MYO3B: variants seen among roughly 807,000 people sequenced by gnomAD.
MYO3B encodes myosin-IIIb.
MYO3B carries 156 observed loss-of-function variants against 174.6 expected under a neutral mutation model. That is an observed-to-expected ratio of 0.89 (90% CI 0.78 to 1.02). The LOEUF (loss-of-function observed/expected upper bound fraction) is 1.02, where lower values mean the gene tolerates loss of function less well. Ranked by LOEUF, MYO3B falls within the 50% of genes least tolerant of loss-of-function variation. MYO3B has a pLI of 0.00. For missense variants in MYO3B, 1,632 were observed against 1,639.4 expected (o/e 1.00, Z 0.08); for synonymous variants, 563 against 569.1 (o/e 0.99, Z 0.15).
intron 32 of MYO3B, among the ~76,000 whole-genome samples, chr2:170,593,544 G>A (rs1693950426): frequency 6.6e-6 from 1 of 152,224 alleles, no homozygotes; most frequent in African/African-American, 2.4e-5. Flanking sequence ...ACATCACCAA[G>A]CTGATAAGCA....
chr2:170,457,193 G>C (rs1683957734), intron 23 of MYO3B, among the ~76,000 whole-genome samples: 1 of 152,178 alleles, frequency 6.6e-6, no homozygotes. Flanking sequence ...TGAGACATTA[G>C]TGTACACTCC....
intron 8 of MYO3B, among the ~76,000 whole-genome samples, chr2:170,352,132 T>C (rs1300549602): frequency 3.3e-5 from 5 of 152,306 alleles, no homozygotes; most frequent in East Asian, 3.9e-4. Context: ...TTTGTATTTT[T>C]AGTAGAGACG....
Position 170,466,621 on chromosome 2 carries a change from C to T in MYO3B, c.2924C>T (p.Ala975Val), listed in dbSNP as rs749984484. ...ALQFSRERVL[A>V]QLRSTGILET... ...CAGTTCTCTCGAGAGAGGGTGCTGG[C>T]CCAGCTCCGCTCCACAGGGATTCTG... is the stretch of plus-strand genomic sequence containing the variant. Residue 975 changes from alanine (A) to valine (V), a missense_variant, in exon 25 of 35, where the codon GCC becomes GTC. Coordinates refer to ENST00000408978, the MANE Select transcript of MYO3B (RefSeq NM_138995.5). 6.2e-7 allele frequency: 1 copy of T among 1,614,230 alleles called. No individual in the cohort carries two copies. The highest frequency in any genetic ancestry group is 1.1e-5 in the South Asian group (1 of 91,086).
At chr2:170,233,542 G>A (rs2093035999) in intron 6 of MYO3B, among the ~76,000 whole-genome samples, 2 of 152,200 alleles carry the variant, frequency 1.3e-5, no homozygotes, top group African/African-American at 4.8e-5. Flanking sequence ...GTCTTTGGGG[G>A]CAATGAAATG....
intron 8 of MYO3B, among the ~76,000 whole-genome samples, chr2:170,358,348 A>G (rs1043079491): frequency 6.6e-6 from 1 of 152,194 alleles, no homozygotes; most frequent in African/African-American, 2.4e-5. Context: ...AAAAGACCAT[A>G]CATATTATAT....
At chr2:170,512,153 G>A (rs1688029090) in intron 28 of MYO3B, among the ~76,000 whole-genome samples, 1 of 152,156 alleles carries the variant, frequency 6.6e-6, no homozygotes, top group South Asian at 2.1e-4. Flanking sequence ...AGTGGAAAAT[G>A]CTTTCAGAGG....
chr2:170,179,571 TTC>T (rs1450966846), intron 1 of MYO3B, among the ~76,000 whole-genome samples: 2 of 152,200 alleles, frequency 1.3e-5, no homozygotes, highest in African/African-American at 4.8e-5. Flanking sequence ...AGTCTCCTTT[TTC>T]TCTCTCTTGA....
Position 170,392,416 on chromosome 2 carries a change from AC to A in MYO3B, c.1713del (p.Asp571GlufsTer2). The A allele has an allele frequency of 6.2e-7, 1 of 1,602,332 alleles. No individual in the cohort carries two copies. The highest frequency in any genetic ancestry group is 8.5e-7 in the Non-Finnish European group (1 of 1,172,948). On this transcript the variant is annotated frameshift_variant, in exon 16 of 35. Transcript: ENST00000408978. LOFTEE classifies it high-confidence loss of function. ...IADETGRVMH[D>X]ITSKESYRRQ... is the part of the protein sequence containing the mutation. ...GATGAAACTGGAAGGGTGATGCACG[AC>A]ATAACTTCCAAGGAGTCTTACAGAA...
At chr2:170,363,981 A>G (rs1288213109) in intron 8 of MYO3B, among the ~76,000 whole-genome samples, 3 of 152,192 alleles carry the variant, frequency 2.0e-5, no homozygotes, top group Non-Finnish European at 4.4e-5. Flanking sequence ...AGTCCTTGCT[A>G]CTTGTTTTCT....
chr2:170,534,758 A>T (rs1297587954), intron 30 of MYO3B, among the ~76,000 whole-genome samples: 1 of 152,160 alleles, frequency 6.6e-6, no homozygotes, highest in Non-Finnish European at 1.5e-5. Flanking sequence ...CCTGTATTTT[A>T]TCTAACAACT....
chr2:170,186,977 C>G (rs2092471874), intron 1 of MYO3B, among the ~76,000 whole-genome samples: 1 of 149,210 alleles, frequency 6.7e-6, no homozygotes, highest in South Asian at 2.1e-4. Context: ...GTCTCCTTTT[C>G]ATCTCTGATT....
chr2:170,589,034 A>G (rs1693661440), intron 32 of MYO3B, among the ~76,000 whole-genome samples: 1 of 152,320 alleles, frequency 6.6e-6, no homozygotes, highest in East Asian at 1.9e-4. Context: ...CTGAGGAATT[A>G]ACTAATAGTT....
At chr2:170,198,523 T>C (rs1427020652) in intron 1 of MYO3B, among the ~76,000 whole-genome samples, 3 of 152,212 alleles carry the variant, frequency 2.0e-5, no homozygotes, top group Admixed American at 6.5e-5. Flanking sequence ...TTCTGACTAT[T>C]GATTTTCCTT....
chr2:170,579,897 G>C (rs1321852305), intron 32 of MYO3B, among the ~76,000 whole-genome samples: 3 of 152,174 alleles, frequency 2.0e-5, no homozygotes, highest in Non-Finnish European at 4.4e-5. Flanking sequence ...CCTTGTTCAG[G>C]GGCCACAGCC....
intron 32 of MYO3B, among the ~76,000 whole-genome samples, chr2:170,611,563 T>C (rs73030777): frequency 0.053 from 8,020 of 152,138 alleles, 696 homozygotes; most frequent in African/African-American, 0.18. Context: ...TCAGGAGTAG[T>C]TCAGTGTTTT....
At chr2:170,279,736 TGTTA>T (rs1205548269) in intron 7 of MYO3B, among the ~76,000 whole-genome samples, 2 of 152,124 alleles carry the variant, frequency 1.3e-5, no homozygotes, top group East Asian at 3.9e-4. Context: ...CCTGTTCCTG[TGTTA>T]GTTTGCTAGA....
chr2:170,507,647 C>T (rs1687695320), intron 28 of MYO3B, among the ~76,000 whole-genome samples: 1 of 152,160 alleles, frequency 6.6e-6, no homozygotes, highest in South Asian at 2.1e-4. Flanking sequence ...CACGCCTCAG[C>T]CTCCCAAAGT....
At chr2:170,286,880 C>A (rs1200297871) in intron 7 of MYO3B, among the ~76,000 whole-genome samples, 1 of 152,088 alleles carries the variant, frequency 6.6e-6, no homozygotes, top group Non-Finnish European at 1.5e-5. Flanking sequence ...ATCCCTCCCT[C>A]CCTGCTACCC....
At chr2:170,351,485 G>A (rs1231549931) in intron 8 of MYO3B, among the ~76,000 whole-genome samples, 4 of 152,094 alleles carry the variant, frequency 2.6e-5, no homozygotes, top group African/African-American at 9.7e-5. Flanking sequence ...GCCTGTGGCT[G>A]CCACAGTCAT....
Sources: gnomAD v4.1 joint callset for allele counts (sites outside exome capture counted in the v4.1 genomes callset) on GRCh38, gnomAD v4.1.1 for gene constraint, MANE v1.5 for transcripts, NCBI Gene and HGNC (gene_info 2026-07-23, HGNC 2026-07-21) for gene names.